MGMT: variants seen among roughly 807,000 people sequenced by gnomAD.
MGMT encodes O-6-methylguanine-DNA methyltransferase.
In MGMT, 14 loss-of-function variants were observed where a neutral mutation model predicts 15.9. The ratio of observed to expected loss-of-function variants is 0.88; its 90% CI spans 0.58 to 1.37. The LOEUF is 1.37. Ranked by LOEUF, MGMT falls within the 40% of genes most tolerant of loss-of-function variation. The pLI is 0.00. For synonymous variants in MGMT, 130 were observed against 118.2 expected (o/e 1.10, Z -0.65); for missense variants, 282 against 268.1 (o/e 1.05, Z -0.36).
At position 129,604,339 on chromosome 10, in the gene MGMT, T is replaced by C. The variant is rs562267292; in HGVS notation, c.125+67962T>C. ...ATTCTGAAATAAGTCATGCCTGTTG[T>C]TACACTCAGAAAAATATTTTATCTT... On this transcript the variant is annotated intron_variant, in intron 2 of 4. Coordinates refer to ENST00000651593, the MANE Select transcript of MGMT (RefSeq NM_002412.5). Among the ~76,000 whole-genome samples, 8 of 152,334 alleles carry C rather than the reference T, an allele frequency of 5.3e-5. No homozygotes were observed. The East Asian group carries it at 1.2e-3, about 22-fold the overall frequency.
chr10:129,477,820 A>G (rs141868715), intron 1 of MGMT, among the ~76,000 whole-genome samples: 242 of 152,346 alleles, frequency 1.6e-3, no homozygotes, highest in African/African-American at 5.6e-3. Flanking sequence ...AAGTTGTTTC[A>G]AAGGCACAAA....
At chr10:129,524,922 T>C (rs1349465321) in intron 1 of MGMT, among the ~76,000 whole-genome samples, 2 of 152,122 alleles carry the variant, frequency 1.3e-5, no homozygotes, top group Non-Finnish European at 2.9e-5. Flanking sequence ...ATCTTGACAG[T>C]GTTCTGGTAT....
At chr10:129,537,459 T>C (rs549535233) in intron 2 of MGMT, among the ~76,000 whole-genome samples, 39 of 152,330 alleles carry the variant, frequency 2.6e-4, no homozygotes, top group African/African-American at 9.1e-4. Flanking sequence ...CATCTGGCTG[T>C]AGTGTTCAGA....
chr10:129,478,999 A>C (rs557834086), intron 1 of MGMT, among the ~76,000 whole-genome samples: 27 of 152,344 alleles, frequency 1.8e-4, no homozygotes, highest in African/African-American at 6.0e-4. Context: ...CCTTGAAATC[A>C]ATAAGAGAGG....
intron 1 of MGMT, among the ~76,000 whole-genome samples, chr10:129,517,054 C>T (rs935963175): frequency 3.9e-5 from 6 of 152,214 alleles, no homozygotes; most frequent in African/African-American, 7.2e-5. Flanking sequence ...TCTGCGCATC[C>T]GTCCCTCCCA....
chr10:129,582,307 T>C (rs1293002830), intron 2 of MGMT, among the ~76,000 whole-genome samples: 1 of 152,156 alleles, frequency 6.6e-6, no homozygotes, highest in African/African-American at 2.4e-5. Flanking sequence ...GTTGAGAGTG[T>C]GCTCTGTTGT....
chr10:129,629,598 T>A (rs1847188193), intron 2 of MGMT, among the ~76,000 whole-genome samples: 1 of 152,236 alleles, frequency 6.6e-6, no homozygotes, highest in Admixed American at 6.5e-5. Context: ...CCTCGGCACC[T>A]TCGCGTTGAT....
intron 3 of MGMT, among the ~76,000 whole-genome samples, chr10:129,716,236 G>T (rs1249400569): frequency 3.3e-5 from 5 of 152,180 alleles, no homozygotes; most frequent in Admixed American, 3.3e-4. Context: ...TTCAGGTTAG[G>T]TATTGGTAAC....
chr10:129,591,671 C>T (rs532418174), intron 2 of MGMT, among the ~76,000 whole-genome samples: 1 of 152,190 alleles, frequency 6.6e-6, no homozygotes, highest in Non-Finnish European at 1.5e-5. Flanking sequence ...GTGGCTCACG[C>T]CTGTAATCCC....
intron 2 of MGMT, among the ~76,000 whole-genome samples, chr10:129,571,307 C>A (rs1356610168): frequency 1.3e-5 from 2 of 152,276 alleles, no homozygotes; most frequent in East Asian, 3.9e-4. Context: ...GTAATAAACA[C>A]CCCTAAGTCT....
At chr10:129,498,066 AG>A (rs1845540586) in intron 1 of MGMT, among the ~76,000 whole-genome samples, 1 of 152,208 alleles carries the variant, frequency 6.6e-6, no homozygotes, top group African/African-American at 2.4e-5. Flanking sequence ...ACCCTTTCGA[AG>A]AATACTGGTC....
At chr10:129,490,283 T>G (rs1204616057) in intron 1 of MGMT, among the ~76,000 whole-genome samples, 1 of 152,170 alleles carries the variant, frequency 6.6e-6, no homozygotes, top group Non-Finnish European at 1.5e-5. Context: ...TCTATTTAAC[T>G]GTTTATGTGG....
chr10:129,628,969 C>T (rs956799815), intron 2 of MGMT, among the ~76,000 whole-genome samples: 3 of 152,232 alleles, frequency 2.0e-5, no homozygotes, highest in African/African-American at 4.8e-5. Flanking sequence ...CCCGCCCACT[C>T]CCAGCGCCAC....
At chr10:129,670,056 C>G (rs1254107715) in intron 2 of MGMT, among the ~76,000 whole-genome samples, 1 of 152,104 alleles carries the variant, frequency 6.6e-6, no homozygotes, top group East Asian at 1.9e-4. Context: ...TACAGTATGT[C>G]AGGATATCCA....
intron 1 of MGMT, among the ~76,000 whole-genome samples, chr10:129,487,074 A>G (rs543584654): frequency 1.3e-5 from 2 of 152,308 alleles, no homozygotes; most frequent in South Asian, 4.1e-4. Context: ...GATAGCTGGT[A>G]TGAACCACCC....
At chr10:129,478,803 A>G (rs1845324678) in intron 1 of MGMT, among the ~76,000 whole-genome samples, 1 of 152,130 alleles carries the variant, frequency 6.6e-6, no homozygotes, top group Non-Finnish European at 1.5e-5. Context: ...GGCTTGGGGA[A>G]TGTGTTCTGC....
rs367573290 is a variant in MGMT, at chr10:129,533,058, C to T, written c.-12-3183C>T. ...GCAGGTCCCACGGAGGCAGAGCAGC[C>T]GAGAATCAACGGTGGCCATAGCCAC... On this transcript the variant is annotated intron_variant, in intron 1 of 4. Transcript: ENST00000651593. The surrounding 1 kb of genome is among the most constrained non-coding windows in gnomAD (Gnocchi z 4.5). Among the ~76,000 whole-genome samples the T allele has an allele frequency of 1.2e-4, 18 of 152,328 alleles. No homozygotes were observed. The South Asian group carries it at 1.2e-3, about 11-fold the overall frequency.
At chr10:129,539,920 G>T (rs1029390360) in intron 2 of MGMT, among the ~76,000 whole-genome samples, 2 of 152,196 alleles carry the variant, frequency 1.3e-5, no homozygotes, top group Admixed American at 1.3e-4. Context: ...TAGAATTCAG[G>T]TGTAAATTTC....
intron 2 of MGMT, among the ~76,000 whole-genome samples, chr10:129,553,759 C>G (rs1015479372): frequency 6.6e-6 from 1 of 152,176 alleles, no homozygotes; most frequent in Admixed American, 6.5e-5. Context: ...ATCAGGGTCA[C>G]TTTCACAGGG....
Sources: allele counts gnomAD v4.1 joint callset (sites outside exome capture counted in the v4.1 genomes callset), GRCh38; gene constraint gnomAD v4.1.1; non-coding constraint Gnocchi (gnomAD v3.1); transcripts MANE v1.5; gene names NCBI Gene and HGNC (gene_info 2026-07-23, HGNC 2026-07-21).